PTPN1: variants seen among roughly 807,000 people sequenced by gnomAD.
PTPN1 encodes the protein tyrosine-protein phosphatase non-receptor type 1.
PTPN1 carries 12 observed loss-of-function variants against 59.9 expected under a neutral mutation model. That is an observed-to-expected ratio of 0.20 (90% CI 0.13 to 0.32). PTPN1 has a LOEUF of 0.32. PTPN1 is among the 10% of genes least tolerant of loss of function. The pLI, the probability that PTPN1 is intolerant of heterozygous loss-of-function variation, is 1.00. For synonymous variants in PTPN1, 178 were observed against 203.6 expected (o/e 0.87, Z 1.07); for missense variants, 356 against 549.2 (o/e 0.65, Z 3.52).
chr20:50,560,499 A>G (rs2122775931), intron 1 of PTPN1, among the ~76,000 whole-genome samples: 1 of 151,620 alleles, frequency 6.6e-6, no homozygotes, highest in South Asian at 2.1e-4. Context: ...CTTACTGTTC[A>G]CTTGTAATTT....
At chr20:50,521,281 C>T (rs2082549832) in intron 1 of PTPN1, among the ~76,000 whole-genome samples, 1 of 152,232 alleles carries the variant, frequency 6.6e-6, no homozygotes, top group Admixed American at 6.5e-5. Flanking sequence ...GAGAGAGAAA[C>T]AGTCTGCTGC....
chr20:50,511,127 C>T (rs1326979294), intron 1 of PTPN1, among the ~76,000 whole-genome samples: 1 of 152,154 alleles, frequency 6.6e-6, no homozygotes, highest in Non-Finnish European at 1.5e-5. Flanking sequence ...TAGGAGTTGG[C>T]AAGCTTATTC....
chr20:50,563,794 C>T (rs2082765107), intron 2 of PTPN1, among the ~76,000 whole-genome samples: 1 of 152,136 alleles, frequency 6.6e-6, no homozygotes, highest in African/African-American at 2.4e-5. Flanking sequence ...TAAAGGTCCC[C>T]ACCTGCTCTT....
rs1305215072 is a variant in PTPN1, at chr20:50,581,250, C to T, written c.1089-15C>T. 6.3e-7 allele frequency: 1 copy of T among 1,581,664 alleles called. No individual in the cohort carries two copies. Among genetic ancestry groups the T allele is most frequent in the Admixed American group, 1.7e-5 (1 of 58,078 alleles). On this transcript the variant is annotated splice_polypyrimidine_tract_variant and intron_variant, in intron 8 of 9. Transcript: ENST00000371621. The stretch of plus-strand genomic sequence containing the variant: ...TCCAAAGTGAGTAACCCATCTCTGC[C>T]CTCTGATTCCTCAGCATGAGTCAAG...
chr20:50,562,034 C>T (rs1012545629), intron 2 of PTPN1, among the ~76,000 whole-genome samples: 2 of 152,228 alleles, frequency 1.3e-5, no homozygotes, highest in African/African-American at 2.4e-5. Context: ...GGCTGTCAGT[C>T]TGCCGGTAGC....
intron 1 of PTPN1, among the ~76,000 whole-genome samples, chr20:50,555,193 A>G (rs1191108826): frequency 6.6e-6 from 1 of 152,274 alleles, no homozygotes. Context: ...GATCAGTAAA[A>G]TTGATAAATT....
intron 1 of PTPN1, among the ~76,000 whole-genome samples, chr20:50,547,982 T>A (rs188987805): frequency 2.0e-3 from 306 of 152,354 alleles, no homozygotes; most frequent in Middle Eastern, 0.014. Context: ...AATGACCATG[T>A]TAATGCTCTA....
intron 1 of PTPN1, among the ~76,000 whole-genome samples, chr20:50,514,255 G>A (rs1290412787): frequency 6.6e-6 from 1 of 152,218 alleles, no homozygotes; most frequent in Non-Finnish European, 1.5e-5. Flanking sequence ...CAAGTTATCT[G>A]CCGTTACTTC....
At chr20:50,557,486 T>C (rs990387696) in intron 1 of PTPN1, among the ~76,000 whole-genome samples, 1 of 152,188 alleles carries the variant, frequency 6.6e-6, no homozygotes, top group Non-Finnish European at 1.5e-5. Flanking sequence ...CCCTTTCTTT[T>C]CCTCCCCTCT....
At chr20:50,531,977 A>G (rs1346540959) in intron 1 of PTPN1, among the ~76,000 whole-genome samples, 4 of 152,192 alleles carry the variant, frequency 2.6e-5, no homozygotes, top group Non-Finnish European at 5.9e-5. Context: ...GTGGTTCTCC[A>G]CATGTGCGCC....
At chr20:50,536,152 A>C (rs977188578) in intron 1 of PTPN1, among the ~76,000 whole-genome samples, 7 of 152,214 alleles carry the variant, frequency 4.6e-5, no homozygotes, top group Admixed American at 1.3e-4. Flanking sequence ...AATGTTTGTG[A>C]AATTAAATAA....
chr20:50,585,144 C>T lies in PTPN1; in HGVS notation c.*2429C>T, dbSNP rs1426834403. ...ACACAATGGTTACCACATCTCAGTA[C>T]GTAAAGTCCACTTGATATAGAATTG... On this transcript the variant is annotated 3_prime_UTR_variant, in exon 10 of 10. Transcript: ENST00000371621. 6.6e-6 allele frequency: 1 copy of T among 152,126 alleles called. No homozygotes were observed. Among genetic ancestry groups the T allele is most frequent in the African/African-American group, 2.4e-5 (1 of 41,420 alleles). 9.4% of individuals were successfully genotyped at this position (152,126 alleles called of 1,614,324 possible).
At chr20:50,580,708 T>G (rs1568798974) in intron 8 of PTPN1, among the ~76,000 whole-genome samples, 2 of 152,244 alleles carry the variant, frequency 1.3e-5, no homozygotes, top group African/African-American at 2.4e-5. Context: ...TGGAGAAATT[T>G]ACTTTGCAGC....
At chr20:50,562,215 A>G (rs3787339) in intron 2 of PTPN1, among the ~76,000 whole-genome samples, 3,048 of 152,238 alleles carry the variant, frequency 0.02, 41 homozygotes, top group East Asian at 0.061. Context: ...CAGTGTCTCC[A>G]TGGTAGCGTG....
chr20:50,514,603 C>T (rs1487899515), intron 1 of PTPN1, among the ~76,000 whole-genome samples: 3 of 152,124 alleles, frequency 2.0e-5, no homozygotes, highest in Non-Finnish European at 4.4e-5. Context: ...TGGCTTCAAG[C>T]GATCCTCCCA....
At chr20:50,530,940 G>A (rs1407311340) in intron 1 of PTPN1, among the ~76,000 whole-genome samples, 1 of 152,010 alleles carries the variant, frequency 6.6e-6, no homozygotes, top group African/African-American at 2.4e-5. Flanking sequence ...TTGGGCTCAA[G>A]CAGTCCTCCT....
Position 50,554,815 on chromosome 20 carries a change from G to C in PTPN1, c.64-6548G>C, listed in dbSNP as rs191302906. On this transcript the variant is annotated intron_variant, in intron 1 of 9. Coordinates refer to ENST00000371621, the MANE Select transcript of PTPN1 (RefSeq NM_002827.4). ...ATGAAAATAAAGAGATATGGCTAATGTGCCAATGGTGGAGATAAGATAGAT... is the reference window on the plus strand; with the variant it reads ...ATGAAAATAAAGAGATATGGCTAATCTGCCAATGGTGGAGATAAGATAGAT... Among the ~76,000 whole-genome samples the C allele has an allele frequency of 3.4e-4, 52 of 152,198 alleles. No homozygotes were observed. In the South Asian group the frequency reaches 9.3e-3, roughly 27 times the overall value.
At chr20:50,574,377 CT>C (rs1281590141) in intron 4 of PTPN1, 139 bp from the exon 5 acceptor site, 1 of 849,290 alleles carries the variant, frequency 1.2e-6, no homozygotes, top group Non-Finnish European at 1.7e-6. Context: ...AGGCAGGCAT[CT>C]GTGCTGACCA....
intron 1 of PTPN1, among the ~76,000 whole-genome samples, chr20:50,530,739 C>G (rs1260207874): frequency 1.3e-5 from 2 of 150,764 alleles, no homozygotes; most frequent in Non-Finnish European, 3.0e-5. Context: ...GTCACCCAGG[C>G]TGGAGTGCAG....
Sources: allele counts gnomAD v4.1 joint callset (sites outside exome capture counted in the v4.1 genomes callset), GRCh38; gene constraint gnomAD v4.1.1; transcripts MANE v1.5; gene names NCBI Gene and HGNC (gene_info 2026-07-23, HGNC 2026-07-21).